Variants in WWC1 observed in about 807,000 individuals in gnomAD.
WWC1 encodes protein KIBRA.
In WWC1, 55 loss-of-function variants were observed where a neutral mutation model predicts 138.4. The observed-to-expected ratio is 0.40, with a 90% CI of 0.32 to 0.50. The LOEUF is 0.50. Ranked by LOEUF, WWC1 falls within the 20% of genes least tolerant of loss-of-function variation. The pLI, the probability that WWC1 is intolerant of heterozygous loss-of-function variation, is 0.72. For missense variants in WWC1, 1,226 were observed against 1,420.4 expected (o/e 0.86, Z 2.20); for synonymous variants, 524 against 564.9 (o/e 0.93, Z 1.03).
intron 1 of WWC1, among the ~76,000 whole-genome samples, chr5:168,299,559 C>G (rs921373945): frequency 6.6e-6 from 1 of 152,220 alleles, no homozygotes; most frequent in African/African-American, 2.4e-5. Flanking sequence ...TAGCCAAGGC[C>G]GTTCCTCTCT....
intron 20 of WWC1, among the ~76,000 whole-genome samples, chr5:168,461,629 C>T (rs778564051): frequency 1.5e-4 from 23 of 152,200 alleles, no homozygotes; most frequent in Non-Finnish European, 2.9e-4. Context: ...AAGGAGCGAC[C>T]CCTGATTTGT....
At chr5:168,350,449 A>G (rs1774850492) in intron 1 of WWC1, among the ~76,000 whole-genome samples, 1 of 152,136 alleles carries the variant, frequency 6.6e-6, no homozygotes, top group East Asian at 1.9e-4. Context: ...AAATCCAACA[A>G]CTGTTCTCCA....
At chr5:168,367,873 G>A (rs1161586655) in intron 1 of WWC1, among the ~76,000 whole-genome samples, 1 of 151,854 alleles carries the variant, frequency 6.6e-6, no homozygotes, top group African/African-American at 2.4e-5. Flanking sequence ...TAAAAAAAAA[G>A]AAAGAGAAGA....
chr5:168,418,185 C>T (rs1780796927), intron 9 of WWC1, among the ~76,000 whole-genome samples: 1 of 152,176 alleles, frequency 6.6e-6, no homozygotes, highest in South Asian at 2.1e-4. Flanking sequence ...CCAGGAGAGG[C>T]CGACTGCAGG....
chr5:168,327,571 G>T (rs1772671367), intron 1 of WWC1, among the ~76,000 whole-genome samples: 1 of 152,208 alleles, frequency 6.6e-6, no homozygotes. Context: ...ACCAGCACCG[G>T]GGTGTTCCTC....
intron 1 of WWC1, among the ~76,000 whole-genome samples, chr5:168,305,128 A>ATT (rs35062575): frequency 1.8e-3 from 246 of 136,278 alleles, no homozygotes; most frequent in Admixed American, 2.9e-3. Context: ...CTGGCCCAGT[A>ATT]TTTTTTTTTT....
rs1194115366 is a variant in WWC1, at chr5:168,436,470, C to T, written c.2280+5026C>T. On this transcript the variant is annotated intron_variant, in intron 15 of 22. Coordinates refer to ENST00000265293, the MANE Select transcript of WWC1 (RefSeq NM_015238.3). Reference sequence around the variant, plus strand: ...TTCCTTGGTGATCTCATTTTATCTCCCAGCTGCAAACCCATCCCAAGTGCA... The same window carrying T: ...TTCCTTGGTGATCTCATTTTATCTCTCAGCTGCAAACCCATCCCAAGTGCA... Among the ~76,000 whole-genome samples, 7 of 152,102 alleles carry T rather than the reference C, an allele frequency of 4.6e-5. No homozygotes were observed. In the South Asian group the frequency reaches 1.4e-3, roughly 32 times the overall value.
At position 168,441,231 on chromosome 5, in the gene WWC1, A is replaced by G. The variant is rs573227023; in HGVS notation, c.2281-451A>G. Among the ~76,000 whole-genome samples the G allele has an allele frequency of 1.2e-4, 18 of 152,368 alleles. No homozygotes were observed. In the South Asian group the frequency reaches 3.5e-3, roughly 30 times the overall value. On this transcript the variant is annotated intron_variant, in intron 15 of 22. Transcript: ENST00000265293. ...CGAAAGTCATCAAATTCATAGAAACAGAAAATATAGTGGTGGTTACCAGGA... is the reference window on the plus strand; with the variant it reads ...CGAAAGTCATCAAATTCATAGAAACGGAAAATATAGTGGTGGTTACCAGGA...
intron 1 of WWC1, among the ~76,000 whole-genome samples, chr5:168,359,877 T>G (rs1231718608): frequency 6.6e-6 from 1 of 152,196 alleles, no homozygotes; most frequent in African/African-American, 2.4e-5. Flanking sequence ...AGAGTGTTAG[T>G]CATACAGCCT....
At position 168,404,110 on chromosome 5, in the gene WWC1, C is replaced by G. The variant is rs114859008; in HGVS notation, c.591-2088C>G. On this transcript the variant is annotated intron_variant, in intron 5 of 22. Transcript: ENST00000265293. ...TAGAGGCTGTTGGAGGCCTGGCAGACAAACCACTTCTGTCTCATCCTGCAA... is the reference window on the plus strand; with the variant it reads ...TAGAGGCTGTTGGAGGCCTGGCAGAGAAACCACTTCTGTCTCATCCTGCAA... 4.8e-3 allele frequency among the ~76,000 whole-genome samples: 727 copies of G among 152,296 alleles called. 5 individuals carry two copies. Among genetic ancestry groups the G allele is most frequent in the African/African-American group, 0.016 (673 of 41,558 alleles).
intron 9 of WWC1, among the ~76,000 whole-genome samples, chr5:168,418,735 G>A (rs1780855410): frequency 6.6e-6 from 1 of 152,082 alleles, no homozygotes; most frequent in Admixed American, 6.5e-5. Flanking sequence ...CAGAGAAGAG[G>A]AAAACCAAGG....
At chr5:168,384,747 T>C (rs1777914291) in intron 2 of WWC1, among the ~76,000 whole-genome samples, 1 of 138,812 alleles carries the variant, frequency 7.2e-6, no homozygotes, top group Admixed American at 7.7e-5. Context: ...AGACAGAGTC[T>C]CATTATGTCA....
rs1425613418 is a variant in WWC1, at chr5:168,397,789, G to T, written c.499G>T (p.Ala167Ser). 1 of 1,613,978 alleles carries T rather than the reference G, an allele frequency of 6.2e-7. No homozygotes were observed. Among genetic ancestry groups the T allele is most frequent in the South Asian group, 1.1e-5 (1 of 91,078 alleles). The change falls in exon 4 of 23, where the codon GCA becomes TCA. Residue 167 changes from alanine (A) to serine (S), a missense_variant. Physicochemically the swap from Ala to Ser is moderately conservative, Grantham distance 99. Transcript: ENST00000265293. ...PEILKAEIAT[A>S]KSRVNKLKRE... ...GATCCTGAAAGCTGAAATTGCCACT[G>T]CAAAATCCCGGGTAGGACCTCTTCA...
chr5:168,464,699 T>A (rs2152895026), intron 20 of WWC1, 30 bp from the exon 21 acceptor site: 1 of 1,613,538 alleles, frequency 6.2e-7, no homozygotes, highest in East Asian at 2.2e-5. Flanking sequence ...AGAGCTCTAA[T>A]AACAAGAGAA....
intron 6 of WWC1, 94 bp downstream of exon 6, chr5:168,406,421 A>G (rs931080162): frequency 1.6e-5 from 25 of 1,535,224 alleles, no homozygotes; most frequent in Non-Finnish European, 2.2e-5. Flanking sequence ...CGTGGTACAC[A>G]CATCACTGAG....
At chr5:168,372,815 G>C (rs1170215226) in intron 2 of WWC1, among the ~76,000 whole-genome samples, 2 of 152,214 alleles carry the variant, frequency 1.3e-5, no homozygotes, top group Non-Finnish European at 2.9e-5. Flanking sequence ...GCCTGTTGTT[G>C]CAGGTCTCCT....
At chr5:168,311,721 C>CA (rs1771102804) in intron 1 of WWC1, among the ~76,000 whole-genome samples, 1 of 152,000 alleles carries the variant, frequency 6.6e-6, no homozygotes, top group African/African-American at 2.4e-5. Flanking sequence ...AAATGATATA[C>CA]AAAAAATTAG....
At chr5:168,399,615 G>C in intron 5 of WWC1, 48 bp downstream of exon 5, 1 of 1,583,730 alleles carries the variant, frequency 6.3e-7, no homozygotes, top group Non-Finnish European at 8.7e-7. Flanking sequence ...CCCCACCCTG[G>C]TTCCCCTCCT....
intron 1 of WWC1, among the ~76,000 whole-genome samples, chr5:168,335,061 AG>A (rs1311958750): frequency 6.6e-6 from 1 of 152,166 alleles, no homozygotes; most frequent in Non-Finnish European, 1.5e-5. Flanking sequence ...ATAAGATAAA[AG>A]GTGCAATCAT....
Sources: gnomAD v4.1 joint callset for allele counts (sites outside exome capture counted in the v4.1 genomes callset) on GRCh38, gnomAD v4.1.1 for gene constraint, MANE v1.5 for transcripts, NCBI Gene and HGNC (gene_info 2026-07-23, HGNC 2026-07-21) for gene names.